The following RABGAP1L variants were observed in gnomAD, a reference collection of about 807,000 sequenced individuals.
RABGAP1L encodes the protein rab GTPase-activating protein 1-like.
RABGAP1L carries 63 observed loss-of-function variants against 137.7 expected under a neutral mutation model. That is an observed-to-expected ratio of 0.46 (90% CI 0.37 to 0.56). The LOEUF (loss-of-function observed/expected upper bound fraction) is 0.56. RABGAP1L is among the 20% of genes least tolerant of loss of function. RABGAP1L has a pLI of 0.00. For missense variants in RABGAP1L, 1,095 were observed against 1,244.0 expected, an observed-to-expected ratio of 0.88 and a Z score of 1.80; for synonymous variants, 431 against 433.7, an observed-to-expected ratio of 0.99 and a Z score of 0.08.
chr1:174,919,471 G>T (rs780640497), intron 19 of RABGAP1L, among the ~76,000 whole-genome samples: 1 of 152,196 alleles, frequency 6.6e-6, no homozygotes, highest in Non-Finnish European at 1.5e-5. Context: ...TTACATGGCA[G>T]CTCAGGGTTC....
In RABGAP1L at chr1:174,631,825, G is replaced by A. The variant is rs1441830203; in HGVS notation, c.1711-5550G>A. Among the ~76,000 whole-genome samples the A allele has an allele frequency of 1.4e-4, 21 of 151,184 alleles. No individual in the cohort carries two copies. In the East Asian group the frequency reaches 3.7e-3, roughly 27 times the overall value. Reference sequence around the variant, plus strand: ...ATGGGTTTCCTGAATACAGCACACTGATGGGTCCTGACTCTTTATCCAATT... The same window carrying A: ...ATGGGTTTCCTGAATACAGCACACTAATGGGTCCTGACTCTTTATCCAATT... On this transcript the variant is annotated intron_variant, in intron 13 of 25. Transcript: ENST00000681986.
chr1:174,400,741 T>C (rs1263549838), intron 13 of RABGAP1L, among the ~76,000 whole-genome samples: 1 of 152,086 alleles, frequency 6.6e-6, no homozygotes, highest in Non-Finnish European at 1.5e-5. Flanking sequence ...TAAGAATTAG[T>C]ACCCTAGAGA....
At chr1:174,837,132 G>A (rs55687955) in intron 19 of RABGAP1L, among the ~76,000 whole-genome samples, 1,797 of 152,052 alleles carry the variant, frequency 0.012, 48 homozygotes, top group African/African-American at 0.041. Context: ...ACTTGAACCC[G>A]GGAGGGAGAG....
chr1:174,833,400 GTATGTGTGTA>G (rs1466614239), intron 19 of RABGAP1L, among the ~76,000 whole-genome samples: 2 of 43,282 alleles, frequency 4.6e-5, no homozygotes, highest in Non-Finnish European at 1.7e-4. Context: ...GTGTGTGTGT[GTATGTGTGTA>G]TGTGTGTGTG....
At chr1:174,960,936 A>G (rs1669034324) in intron 20 of RABGAP1L, among the ~76,000 whole-genome samples, 1 of 152,254 alleles carries the variant, frequency 6.6e-6, no homozygotes, top group Admixed American at 6.5e-5. Flanking sequence ...ATACACACAC[A>G]TATATGCACT....
At chr1:174,391,070 A>G (rs1687175844) in intron 12 of RABGAP1L, among the ~76,000 whole-genome samples, 1 of 152,194 alleles carries the variant, frequency 6.6e-6, no homozygotes, top group South Asian at 2.1e-4. Context: ...ACTGAAGCCA[A>G]GGGAAACAGA....
At chr1:174,928,612 CG>C (rs2149252880) in intron 19 of RABGAP1L, among the ~76,000 whole-genome samples, 1 of 152,046 alleles carries the variant, frequency 6.6e-6, no homozygotes, top group South Asian at 2.1e-4. Context: ...TTAGGGAACT[CG>C]GGAAATGATT....
chr1:174,900,842 T>C (rs1573739514), intron 19 of RABGAP1L, among the ~76,000 whole-genome samples: 1 of 152,180 alleles, frequency 6.6e-6, no homozygotes, highest in South Asian at 2.1e-4. Flanking sequence ...TTGACCTGTC[T>C]TGCTAGGTTG....
chr1:174,860,049 G>A (rs1650028254), intron 19 of RABGAP1L, among the ~76,000 whole-genome samples: 2 of 144,160 alleles, frequency 1.4e-5, no homozygotes, highest in African/African-American at 2.6e-5. Flanking sequence ...AAGGAGGCAT[G>A]ATTACATGAT....
intron 13 of RABGAP1L, among the ~76,000 whole-genome samples, chr1:174,590,344 T>C (rs546179447): frequency 6.7e-5 from 9 of 135,008 alleles, no homozygotes; most frequent in African/African-American, 2.4e-4. Context: ...TTCTTTTTTT[T>C]TTTATTTATT....
chr1:174,159,547 G>A lies in RABGAP1L; in HGVS notation c.-144G>A, dbSNP rs1448013066. The A allele has an allele frequency of 6.6e-6, 1 of 152,246 alleles. No individual in the cohort carries two copies. The highest frequency in any genetic ancestry group is 1.5e-5 in the Non-Finnish European group (1 of 68,070). The allele number at this position is 152,246 out of a possible 1,614,324, so 9.4% of individuals were successfully genotyped here. On this transcript the variant is annotated 5_prime_UTR_variant, in exon 1 of 26. Transcript: ENST00000681986. ...TTCCCTCCGCCCTCCTCGGGCTCCA[G>A]CGGTGGCGGAGCGAACGGGACCGGC...
At chr1:174,233,136 T>TA in intron 4 of RABGAP1L, among the ~76,000 whole-genome samples, 1 of 152,268 alleles carries the variant, frequency 6.6e-6, no homozygotes, top group Admixed American at 6.5e-5. Flanking sequence ...ATACTACTCT[T>TA]ATTCAAGAGG....
At chr1:174,985,188 GA>G (rs1193665888) in intron 24 of RABGAP1L, among the ~76,000 whole-genome samples, 3 of 152,180 alleles carry the variant, frequency 2.0e-5, no homozygotes, top group Non-Finnish European at 4.4e-5. Context: ...TCAACTTGGT[GA>G]AACTCCTGGA....
At chr1:174,508,208 G>T (rs1327990729) in intron 13 of RABGAP1L, among the ~76,000 whole-genome samples, 1 of 152,068 alleles carries the variant, frequency 6.6e-6, no homozygotes, top group Non-Finnish European at 1.5e-5. Context: ...TCAGGTTGTT[G>T]TTGCTGTAAA....
intron 7 of RABGAP1L, among the ~76,000 whole-genome samples, chr1:174,270,332 C>A (rs1242780095): frequency 1.3e-5 from 2 of 151,856 alleles, no homozygotes; most frequent in African/African-American, 4.8e-5. Flanking sequence ...AAATATTATG[C>A]TGAGAAAATG....
rs563090245 is a variant in RABGAP1L at position 174,763,243 on chromosome 1, G to C, written c.2211+10889G>C. On this transcript the variant is annotated intron_variant, in intron 18 of 25. Coordinates refer to ENST00000681986, the MANE Select transcript of RABGAP1L (RefSeq NM_001366446.1). Reference sequence around the variant, plus strand: ...TTAAAAATGTACAATTAGTGGCTGGGTGTGGTGGCTCATGCCTGTAATCCC... The same window carrying C: ...TTAAAAATGTACAATTAGTGGCTGGCTGTGGTGGCTCATGCCTGTAATCCC... Among the ~76,000 whole-genome samples, 9 of 152,240 alleles carry C rather than the reference G, an allele frequency of 5.9e-5. No individual in the cohort carries two copies. The South Asian group carries it at 1.9e-3, about 32-fold the overall frequency.
intron 19 of RABGAP1L, among the ~76,000 whole-genome samples, chr1:174,925,780 G>A (rs1662683897): frequency 6.9e-6 from 1 of 144,162 alleles, no homozygotes; most frequent in Admixed American, 6.9e-5. Flanking sequence ...AGTTTTTTGT[G>A]CAATTAAAAA....
chr1:174,172,143 C>CT (rs375305871), intron 1 of RABGAP1L, among the ~76,000 whole-genome samples: 11,475 of 120,778 alleles, frequency 0.095, 750 homozygotes, highest in Middle Eastern at 0.24. Context: ...ACAGTATCTC[C>CT]TTTTTTTTTT....
At chr1:174,289,618 A>C (rs1014496192) in intron 10 of RABGAP1L, among the ~76,000 whole-genome samples, 3 of 152,150 alleles carry the variant, frequency 2.0e-5, no homozygotes, top group Non-Finnish European at 2.9e-5. Context: ...TAGCCTTTAC[A>C]TGTTCACTTT....
Sources: gnomAD v4.1 joint callset for allele counts (sites outside exome capture counted in the v4.1 genomes callset) on GRCh38, gnomAD v4.1.1 for gene constraint, MANE v1.5 for transcripts, NCBI Gene and HGNC (gene_info 2026-07-23, HGNC 2026-07-21) for gene names.